The following SLC4A4 variants were observed in gnomAD, a reference collection of about 807,000 sequenced individuals.
SLC4A4 encodes the protein electrogenic sodium bicarbonate cotransporter 1.
In SLC4A4, 27 loss-of-function variants were observed where a neutral mutation model predicts 111.5. The observed-to-expected ratio is 0.24, with a 90% confidence interval of 0.18 to 0.33. The LOEUF is 0.33. Among genes scored for constraint, SLC4A4 ranks in the 10% least tolerant of loss-of-function variants. The pLI is 1.00. For missense variants in SLC4A4, 909 were observed against 1,315.5 expected, an observed-to-expected ratio of 0.69 and a Z score of 4.78; for synonymous variants, 443 against 463.4, an observed-to-expected ratio of 0.96 and a Z score of 0.57.
intron 6 of SLC4A4, among the ~76,000 whole-genome samples, chr4:71,364,309 G>C (rs574587474): frequency 6.6e-6 from 1 of 152,162 alleles, no homozygotes; most frequent in African/African-American, 2.4e-5. Context: ...TGTAAAATAA[G>C]GGTAGTGATG....
intron 6 of SLC4A4, among the ~76,000 whole-genome samples, chr4:71,363,505 C>T (rs533212974): frequency 1.3e-5 from 2 of 152,190 alleles, no homozygotes; most frequent in African/African-American, 4.8e-5. Flanking sequence ...GGCCATCCCC[C>T]CAACTGCCCC....
chr4:71,143,136 C>T (rs1330746052), intron 2 of SLC4A4, among the ~76,000 whole-genome samples: 1 of 151,728 alleles, frequency 6.6e-6, no homozygotes, highest in African/African-American at 2.4e-5. Flanking sequence ...GTGTGATGTT[C>T]CCCTTCCTGT....
intron 1 of SLC4A4, among the ~76,000 whole-genome samples, chr4:71,232,366 C>G (rs1204698761): frequency 6.6e-6 from 1 of 152,140 alleles, no homozygotes; most frequent in African/African-American, 2.4e-5. Context: ...AACTTTTCTA[C>G]TATCCCCTCC....
chr4:71,286,827 G>A (rs2149097633), intron 3 of SLC4A4, among the ~76,000 whole-genome samples: 1 of 152,232 alleles, frequency 6.6e-6, no homozygotes, highest in South Asian at 2.1e-4. Context: ...TATGTGCCAG[G>A]CACTATGTTG....
intron 2 of SLC4A4, among the ~76,000 whole-genome samples, chr4:71,155,504 C>T (rs1471926915): frequency 6.6e-6 from 1 of 152,008 alleles, no homozygotes. Context: ...GTTCTGTTAC[C>T]CAGGCTGGAG....
At chr4:71,181,062 G>T (rs1021089362) in intron 2 of SLC4A4, among the ~76,000 whole-genome samples, 4 of 152,026 alleles carry the variant, frequency 2.6e-5, no homozygotes, top group Admixed American at 6.6e-5. Context: ...CATGTCCTTT[G>T]TAGGGACATG....
chr4:71,255,988 T>G (rs1233450402), intron 3 of SLC4A4, among the ~76,000 whole-genome samples: 1 of 152,176 alleles, frequency 6.6e-6, no homozygotes, highest in Admixed American at 6.6e-5. Flanking sequence ...AAGAGCAGAA[T>G]AGCAGGAGGT....
At chr4:71,146,421 T>C (rs1489403753) in intron 2 of SLC4A4, among the ~76,000 whole-genome samples, 1 of 152,178 alleles carries the variant, frequency 6.6e-6, no homozygotes, top group Non-Finnish European at 1.5e-5. Context: ...GAATGTATAT[T>C]CTGTTGATTT....
rs567049308 is a variant in SLC4A4 at position 71,123,691 on chromosome 4, T to A, written c.-2+30899T>A. Among the ~76,000 whole-genome samples the A allele has an allele frequency of 3.3e-5, 5 of 152,362 alleles. No individual in the cohort carries two copies. The East Asian group carries it at 9.6e-4, about 29-fold the overall frequency. On this transcript the variant is annotated intron_variant, in intron 2 of 26. Transcript: ENST00000649996. Reference sequence around the variant, plus strand: ...GAATAGTGTGAAATGGTATTCTTCCTCATTCTGTCGTGTCTTATTTACTGC... The same window carrying A: ...GAATAGTGTGAAATGGTATTCTTCCACATTCTGTCGTGTCTTATTTACTGC...
At position 71,244,129 on chromosome 4, in the gene SLC4A4, A is replaced by G. The variant is rs186157361; in HGVS notation, c.73+7480A>G. ...ATAAAGAAAATGTCTTCAAGGTAGAATGAAAGCCCATGATTGAATCTAATG... is the reference window on the plus strand; with the variant it reads ...ATAAAGAAAATGTCTTCAAGGTAGAGTGAAAGCCCATGATTGAATCTAATG... On this transcript the variant is annotated intron_variant, in intron 2 of 25. Coordinates refer to ENST00000264485, the MANE Select transcript of SLC4A4 (RefSeq NM_001098484.3). Among the ~76,000 whole-genome samples, 17 of 152,322 alleles carry G rather than the reference A, an allele frequency of 1.1e-4. 1 individual carries two copies. Among genetic ancestry groups the G allele is most frequent in the Admixed American group, 8.5e-4 (13 of 15,304 alleles).
chr4:71,102,211 A>G (rs1365986649), intron 2 of SLC4A4, among the ~76,000 whole-genome samples: 2 of 150,598 alleles, frequency 1.3e-5, no homozygotes, highest in Non-Finnish European at 3.0e-5. Flanking sequence ...CGAGAAGGGA[A>G]GTTTAGAGAA....
At position 71,338,552 on chromosome 4, in the gene SLC4A4, G is replaced by A. The variant is rs148685833; in HGVS notation, c.254-818G>A. 8.6e-3 allele frequency among the ~76,000 whole-genome samples: 1,235 copies of A among 143,478 alleles called. 17 individuals carry two copies. Among genetic ancestry groups the A allele is most frequent in the African/African-American group, 0.03 (1,172 of 38,764 alleles). The allele number at this position is 143,478 out of a possible 152,430, so 94.1% of individuals were successfully genotyped here. A position where few individuals can be genotyped will look rare whatever the true frequency, so the allele number is the denominator to read the frequency against. On this transcript the variant is annotated intron_variant, in intron 3 of 25. Transcript: ENST00000264485. ...TCTTCTTCTTCTTTCTTCTTTCGTC[G>A]TCTTCTTCTTCTTCTTTTTTTTTTT...
intron 2 of SLC4A4, among the ~76,000 whole-genome samples, chr4:71,240,570 A>G (rs934187291): frequency 1.3e-5 from 2 of 152,190 alleles, no homozygotes; most frequent in Admixed American, 6.5e-5. Flanking sequence ...CAATGGAAGA[A>G]TAATTCTACA....
intron 20 of SLC4A4, among the ~76,000 whole-genome samples, chr4:71,551,383 A>G (rs1379513603): frequency 6.6e-6 from 1 of 151,850 alleles, no homozygotes; most frequent in Non-Finnish European, 1.5e-5. Flanking sequence ...AGTGCCAGGG[A>G]AAGCAAAATG....
intron 20 of SLC4A4, among the ~76,000 whole-genome samples, chr4:71,550,939 C>T (rs1341590912): frequency 6.6e-6 from 1 of 151,860 alleles, no homozygotes; most frequent in Admixed American, 6.6e-5. Context: ...CCCTAGCCAG[C>T]AACAGTCATA....
At chr4:71,512,599 T>G (rs1732031031) in intron 16 of SLC4A4, among the ~76,000 whole-genome samples, 1 of 152,210 alleles carries the variant, frequency 6.6e-6, no homozygotes, top group Admixed American at 6.5e-5. Context: ...GTCTCTTCAT[T>G]GTGTAGATTA....
chr4:71,179,999 C>G (rs1255868839), intron 2 of SLC4A4, among the ~76,000 whole-genome samples: 2 of 152,176 alleles, frequency 1.3e-5, no homozygotes, highest in South Asian at 2.1e-4. Flanking sequence ...GGTACCAAAA[C>G]AGAGATATAG....
intron 6 of SLC4A4, among the ~76,000 whole-genome samples, chr4:71,385,757 C>T (rs749146965): frequency 6.6e-6 from 1 of 152,066 alleles, no homozygotes; most frequent in Non-Finnish European, 1.5e-5. Flanking sequence ...TACTGATACA[C>T]CTATGGAATC....
chr4:71,432,655 GGT>G (rs1449672721), intron 7 of SLC4A4, among the ~76,000 whole-genome samples: 1 of 150,912 alleles, frequency 6.6e-6, no homozygotes, highest in Non-Finnish European at 1.5e-5. Flanking sequence ...TTCCTTTCTT[GGT>G]TTCCACTAAA....
Sources: allele counts gnomAD v4.1 joint callset (sites outside exome capture counted in the v4.1 genomes callset), GRCh38; gene constraint gnomAD v4.1.1; transcripts MANE v1.5; gene names NCBI Gene and HGNC (gene_info 2026-07-23, HGNC 2026-07-21).